ACYP2: variants seen among roughly 807,000 people sequenced by gnomAD.
ACYP2 encodes the protein acylphosphatase 2.
In ACYP2, 12 loss-of-function variants were observed where a neutral mutation model predicts 11.2. The ratio of observed to expected loss-of-function variants is 1.08; its 90% CI spans 0.69 to 1.74. The LOEUF (loss-of-function observed/expected upper bound fraction) is 1.74. Among genes scored for constraint, ACYP2 ranks in the 40% most tolerant of loss-of-function variants. The pLI, the probability that ACYP2 is intolerant of heterozygous loss-of-function variation, is 0.00. For missense variants in ACYP2, 134 were observed against 101.9 expected, an observed-to-expected ratio of 1.31 and a Z score of -1.35; for synonymous variants, 43 against 32.2, an observed-to-expected ratio of 1.33 and a Z score of -1.13.
At chr2:54,271,548 A>G (rs1364987914) in intron 6 of ACYP2, among the ~76,000 whole-genome samples, 2 of 152,118 alleles carry the variant, frequency 1.3e-5, no homozygotes, top group African/African-American at 2.4e-5. Context: ...TTCATCCCAA[A>G]TCAATCATCG....
At chr2:54,255,218 C>A in intron 6 of ACYP2, 1 of 1,614,190 alleles carries the variant, frequency 6.2e-7, no homozygotes, top group Non-Finnish European at 8.5e-7. Context: ...ACCTCATACA[C>A]CTTTACAATC....
chr2:54,009,577 A>T lies in ACYP2; in HGVS notation c.62+35767A>T, dbSNP rs950231853. On this transcript the variant is annotated intron_variant, in intron 2 of 6. Coordinates refer to ENST00000607452, the MANE Select transcript of ACYP2 (RefSeq NM_001320586.2). ...GGACACGAGTGAAACTCTGTCTCAA[A>T]AATAATAATAATAATAAATTCCTGA... Among the ~76,000 whole-genome samples, 7 of 152,206 alleles carry T rather than the reference A, an allele frequency of 4.6e-5. No homozygotes were observed. In the South Asian group the frequency reaches 1.2e-3, roughly 27 times the overall value.
At chr2:54,255,774 C>T (rs772753210) in intron 6 of ACYP2, 3 of 1,613,810 alleles carry the variant, frequency 1.9e-6, no homozygotes, top group Non-Finnish European at 2.5e-6. Flanking sequence ...CTAGAGCCTT[C>T]TCCCCACCTA....
At chr2:54,082,240 C>CTCTTTTTTTTT in intron 4 of ACYP2, among the ~76,000 whole-genome samples, 1 of 151,220 alleles carries the variant, frequency 6.6e-6, no homozygotes, top group South Asian at 2.1e-4. Flanking sequence ...ACATATATAG[C>CTCTTTTTTTTT]TCTTTTTTTT....
intron 6 of ACYP2, among the ~76,000 whole-genome samples, chr2:54,178,610 A>C (rs1044531841): frequency 1.3e-5 from 2 of 152,192 alleles, no homozygotes; most frequent in Non-Finnish European, 2.9e-5. Context: ...TTTCTGGGCC[A>C]GACTTTGTGT....
intron 6 of ACYP2, among the ~76,000 whole-genome samples, chr2:54,246,825 A>C (rs547126950): frequency 1.3e-5 from 2 of 152,254 alleles, no homozygotes; most frequent in South Asian, 4.2e-4. Context: ...CATAATAGTT[A>C]CTTTGGGATC....
At chr2:54,254,954 C>T in intron 6 of ACYP2, 1 of 1,613,506 alleles carries the variant, frequency 6.2e-7, no homozygotes. Context: ...CTGGGGATCT[C>T]CACTGGCTCC....
At chr2:54,181,054 C>T (rs1683697629) in intron 6 of ACYP2, among the ~76,000 whole-genome samples, 1 of 152,136 alleles carries the variant, frequency 6.6e-6, no homozygotes, top group Non-Finnish European at 1.5e-5. Context: ...TTTAGTATTA[C>T]AAAAAGCACT....
intron 4 of ACYP2, among the ~76,000 whole-genome samples, chr2:54,075,848 A>G (rs188512886): frequency 2.0e-5 from 3 of 152,202 alleles, no homozygotes; most frequent in African/African-American, 7.2e-5. Flanking sequence ...ATGATATAAT[A>G]TTTACCTCTA....
chr2:54,040,721 G>T lies in ACYP2; in HGVS notation c.63-10237G>T, dbSNP rs539031909. On this transcript the variant is annotated intron_variant, in intron 2 of 6. Coordinates refer to ENST00000607452, the MANE Select transcript of ACYP2 (RefSeq NM_001320586.2). Reference sequence around the variant, plus strand: ...TCAAGTAAGATGAAAATTAAGGCTTGGCTGTTGGATATAGCAACAGGAAAG... The same window carrying T: ...TCAAGTAAGATGAAAATTAAGGCTTTGCTGTTGGATATAGCAACAGGAAAG... Among the ~76,000 whole-genome samples the T allele has an allele frequency of 3.9e-5, 6 of 152,314 alleles. No homozygotes were observed. The South Asian group carries it at 1.2e-3, about 32-fold the overall frequency.
intron 6 of ACYP2, among the ~76,000 whole-genome samples, chr2:54,291,514 C>T (rs1409998777): frequency 1.3e-5 from 2 of 152,344 alleles, no homozygotes; most frequent in South Asian, 2.1e-4. Flanking sequence ...TGGGGTCTTT[C>T]ACGTACTGCA....
At chr2:54,287,909 C>T (rs1689145069) in intron 6 of ACYP2, among the ~76,000 whole-genome samples, 1 of 151,994 alleles carries the variant, frequency 6.6e-6, no homozygotes, top group Non-Finnish European at 1.5e-5. Context: ...ACAGCACCCA[C>T]AGTATTGGGA....
At chr2:54,291,721 A>C (rs1204616660) in intron 6 of ACYP2, among the ~76,000 whole-genome samples, 2 of 152,190 alleles carry the variant, frequency 1.3e-5, no homozygotes, top group African/African-American at 4.8e-5. Flanking sequence ...GGGGGCCAAC[A>C]ATTCTGGTGG....
chr2:54,240,063 A>G (rs979838317), intron 6 of ACYP2, among the ~76,000 whole-genome samples: 28 of 152,276 alleles, frequency 1.8e-4, no homozygotes, highest in Middle Eastern at 3.4e-3. Context: ...AGGGGTGGGA[A>G]TTTCTTCTCA....
At chr2:54,286,818 T>C (rs747739189) in intron 6 of ACYP2, among the ~76,000 whole-genome samples, 21 of 152,018 alleles carry the variant, frequency 1.4e-4, no homozygotes, top group Non-Finnish European at 2.5e-4. Flanking sequence ...AAATACAGCC[T>C]TCTCAATACA....
In ACYP2 at chr2:54,004,915, AC is replaced by A. The variant is rs375001927; in HGVS notation, c.62+31106del. Among the ~76,000 whole-genome samples the A allele has an allele frequency of 5.0e-3, 744 of 150,278 alleles. 2 individuals carry two copies. The highest frequency in any genetic ancestry group is 0.017 in the Middle Eastern group (5 of 290). ...GTCTCAAAAAAAAAAAAAAAAAAAAACAAAAGAAAGAAAAGAAAAGAGCTCT... is the reference window on the plus strand; with the variant it reads ...GTCTCAAAAAAAAAAAAAAAAAAAAAAAAAGAAAGAAAAGAAAAGAGCTCT... On this transcript the variant is annotated intron_variant, in intron 2 of 6. Transcript: ENST00000607452.
intron 6 of ACYP2, among the ~76,000 whole-genome samples, chr2:54,233,920 C>A (rs1268249369): frequency 2.0e-5 from 3 of 152,154 alleles, no homozygotes; most frequent in African/African-American, 7.2e-5. Context: ...CAATGTCAGC[C>A]ATTTAGTCCA....
chr2:54,236,113 GT>G (rs1226467507), intron 6 of ACYP2, among the ~76,000 whole-genome samples: 4 of 150,870 alleles, frequency 2.7e-5, no homozygotes, highest in African/African-American at 9.7e-5. Context: ...TTTGTTTTTT[GT>G]TTTTTGAGAC....
intron 4 of ACYP2, 110 bp downstream of exon 1, chr2:54,115,866 CT>C: frequency 1.5e-6 from 2 of 1,326,700 alleles, no homozygotes; most frequent in Non-Finnish European, 2.0e-6. Context: ...GTGGCTGGGA[CT>C]TCCGCTCCGC....
Sources: gnomAD v4.1 joint callset for allele counts (sites outside exome capture counted in the v4.1 genomes callset) on GRCh38, gnomAD v4.1.1 for gene constraint, MANE v1.5 for transcripts, NCBI Gene and HGNC (gene_info 2026-07-23, HGNC 2026-07-21) for gene names.